GRID1: variants seen among roughly 807,000 people sequenced by gnomAD.
GRID1 encodes the protein glutamate ionotropic receptor delta type subunit 1, also known as glutamate receptor ionotropic, delta-1.
Under a neutral mutation model 98.0 loss-of-function variants are expected in GRID1, and 28 were observed. The observed-to-expected ratio is 0.29, with a 90% CI of 0.21 to 0.39. GRID1 has a LOEUF of 0.39. Among genes scored for constraint, GRID1 ranks in the 10% least tolerant of loss-of-function variants. The probability of loss-of-function intolerance (pLI) is 1.00; values close to 1 mark genes in which losing one functional copy is unlikely to be tolerated. For missense variants in GRID1, 1,111 were observed against 1,340.5 expected (o/e 0.83, Z 2.67); for synonymous variants, 553 against 538.5 (o/e 1.03, Z -0.37).
rs147018498 is a variant in GRID1 at position 86,183,417 on chromosome 10, T to A, written c.520+22947A>T. ...TCTTGTTGCCCAGGCCGAAGTGCAA[T>A]GGCATGATCTCAGCTCACTGCATCC... On this transcript the variant is annotated intron_variant, in intron 3 of 15. Coordinates refer to ENST00000327946, the MANE Select transcript of GRID1 (RefSeq NM_017551.3). 5.3e-5 allele frequency among the ~76,000 whole-genome samples: 8 copies of A among 152,306 alleles called. 1 individual carries two copies. In the South Asian group the frequency reaches 1.7e-3, roughly 32 times the overall value.
intron 4 of GRID1, among the ~76,000 whole-genome samples, chr10:85,972,787 G>A (rs1220006950): frequency 6.6e-6 from 1 of 152,088 alleles, no homozygotes; most frequent in Non-Finnish European, 1.5e-5. Flanking sequence ...AGATTATTGG[G>A]TCAAACAAAT....
rs114477444 is a variant in GRID1 at position 85,928,951 on chromosome 10, C to T, written c.727-12712G>A. Among the ~76,000 whole-genome samples, 377 of 152,322 alleles carry T rather than the reference C, an allele frequency of 2.5e-3. 3 individuals carry two copies. The highest frequency in any genetic ancestry group is 8.7e-3 in the African/African-American group (360 of 41,580). On this transcript the variant is annotated intron_variant, in intron 4 of 15. Transcript: ENST00000327946. ...AAATATATGTGAAGAGGACTCCAAA[C>T]CTAGTTCTTGCTTTTCCTCTTTTGC...
chr10:86,298,432 A>G (rs1216403501), intron 2 of GRID1, among the ~76,000 whole-genome samples: 1 of 152,072 alleles, frequency 6.6e-6, no homozygotes, highest in Non-Finnish European at 1.5e-5. Flanking sequence ...AAACTCAGAC[A>G]AAGGAGTCTC....
intron 5 of GRID1, among the ~76,000 whole-genome samples, chr10:85,874,132 GATAT>G (rs1843305485): frequency 6.6e-6 from 1 of 151,634 alleles, no homozygotes; most frequent in East Asian, 1.9e-4. Flanking sequence ...ATTTCTTTAG[GATAT>G]ATATCTAGAA....
chr10:86,137,965 A>G (rs112393267), intron 4 of GRID1, among the ~76,000 whole-genome samples: 153 of 152,318 alleles, frequency 1.0e-3, no homozygotes, highest in African/African-American at 3.2e-3. Context: ...TTTACTTTCA[A>G]TCAGAGAGGG....
At chr10:85,846,223 A>G (rs556055025) in intron 8 of GRID1, among the ~76,000 whole-genome samples, 1 of 152,336 alleles carries the variant, frequency 6.6e-6, no homozygotes, top group African/African-American at 2.4e-5. Flanking sequence ...CACCTCATAT[A>G]AAAAGTTTTT....
intron 2 of GRID1, among the ~76,000 whole-genome samples, chr10:86,238,372 G>C (rs1846573548): frequency 6.6e-6 from 1 of 152,154 alleles, no homozygotes; most frequent in African/African-American, 2.4e-5. Flanking sequence ...GGCTAAAAGG[G>C]CCAAGGTGGC....
chr10:85,906,954 TAAC>T (rs1367776228), intron 5 of GRID1, among the ~76,000 whole-genome samples: 1 of 152,094 alleles, frequency 6.6e-6, no homozygotes, highest in Non-Finnish European at 1.5e-5. Flanking sequence ...TTGAAATGAA[TAAC>T]GTCAATAAAC....
chr10:86,315,171 A>C (rs1200620613), intron 2 of GRID1, among the ~76,000 whole-genome samples: 3 of 152,180 alleles, frequency 2.0e-5, no homozygotes, highest in African/African-American at 7.2e-5. Context: ...CAGCTGTCAC[A>C]AACATGAAAC....
At chr10:86,038,078 T>C (rs988113748) in intron 4 of GRID1, among the ~76,000 whole-genome samples, 14 of 152,050 alleles carry the variant, frequency 9.2e-5, no homozygotes, top group African/African-American at 3.1e-4. Flanking sequence ...AGGGAGAAGA[T>C]AACATGTACA....
intron 5 of GRID1, among the ~76,000 whole-genome samples, chr10:85,914,309 C>G (rs1479224346): frequency 1.3e-5 from 2 of 152,184 alleles, no homozygotes; most frequent in East Asian, 3.8e-4. Context: ...ACTGGCTATC[C>G]AGTTTGGAGG....
chr10:85,766,405 G>A (rs1311890902), intron 8 of GRID1, among the ~76,000 whole-genome samples: 1 of 152,140 alleles, frequency 6.6e-6, no homozygotes, highest in Non-Finnish European at 1.5e-5. Flanking sequence ...AGGATCAATT[G>A]AACCCAGGAG....
chr10:85,616,800 G>A (rs963994577), intron 14 of GRID1, among the ~76,000 whole-genome samples: 1 of 152,152 alleles, frequency 6.6e-6, no homozygotes, highest in Admixed American at 6.6e-5. Flanking sequence ...ACTTCCTGAA[G>A]CCAGTTGTTC....
At chr10:85,741,217 TA>T (rs1564576307) in intron 8 of GRID1, among the ~76,000 whole-genome samples, 1 of 152,162 alleles carries the variant, frequency 6.6e-6, no homozygotes. Context: ...TTATGCCTCA[TA>T]TTTGAAGCTC....
chr10:85,722,273 T>C (rs1841712547), intron 12 of GRID1, among the ~76,000 whole-genome samples: 1 of 152,132 alleles, frequency 6.6e-6, no homozygotes, highest in African/African-American at 2.4e-5. Flanking sequence ...TAATCAGCGA[T>C]CAAGTTAGAG....
intron 2 of GRID1, among the ~76,000 whole-genome samples, chr10:86,286,274 G>A (rs1263647621): frequency 6.6e-6 from 1 of 152,166 alleles, no homozygotes; most frequent in Non-Finnish European, 1.5e-5. Flanking sequence ...GAGGAAACAA[G>A]CATGACGGTG....
At chr10:85,698,768 A>G (rs1841420963) in intron 12 of GRID1, among the ~76,000 whole-genome samples, 1 of 152,242 alleles carries the variant, frequency 6.6e-6, no homozygotes, top group African/African-American at 2.4e-5. Flanking sequence ...CCATAACAGC[A>G]ATGAATAAGA....
chr10:85,689,031 T>A lies in GRID1; in HGVS notation c.1997+33972A>T, dbSNP rs186698485. 4.6e-5 allele frequency among the ~76,000 whole-genome samples: 7 copies of A among 152,370 alleles called. No homozygotes were observed. In the East Asian group the frequency reaches 1.3e-3, roughly 29 times the overall value. ...GTTTTAGCACTTTGTTCCACCCCGT[T>A]GATATCATTTAGAATTTTGATTCTA... On this transcript the variant is annotated intron_variant, in intron 12 of 15. Coordinates refer to ENST00000327946, the MANE Select transcript of GRID1 (RefSeq NM_017551.3).
At chr10:85,810,851 A>G (rs139026728) in intron 8 of GRID1, among the ~76,000 whole-genome samples, 28 of 152,254 alleles carry the variant, frequency 1.8e-4, no homozygotes, top group African/African-American at 6.5e-4. Flanking sequence ...CCAGCCAAAC[A>G]GGCATGACTC....
Sources: allele counts gnomAD v4.1 joint callset (sites outside exome capture counted in the v4.1 genomes callset), GRCh38; gene constraint gnomAD v4.1.1; transcripts MANE v1.5; gene names NCBI Gene and HGNC (gene_info 2026-07-23, HGNC 2026-07-21).